Variants in SLC35F2 observed in about 807,000 individuals in gnomAD.
The protein encoded by SLC35F2 is solute carrier family 35 member F2, also known as queuine/queuosine transporter SLC35F2.
In SLC35F2, 25 loss-of-function variants were observed where a neutral mutation model predicts 38.1. That is an observed-to-expected ratio of 0.66 (90% confidence interval 0.48 to 0.92). SLC35F2 has a LOEUF of 0.92. Among genes scored for constraint, SLC35F2 ranks in the 40% least tolerant of loss-of-function variants. The pLI, the probability that SLC35F2 is intolerant of heterozygous loss-of-function variation, is 0.00. For missense variants in SLC35F2, 409 were observed against 452.9 expected (o/e 0.90, Z 0.88); for synonymous variants, 173 against 181.7 (o/e 0.95, Z 0.38).
chr11:107,824,171 G>T (rs559574877), intron 1 of SLC35F2, among the ~76,000 whole-genome samples: 2 of 151,342 alleles, frequency 1.3e-5, no homozygotes, highest in South Asian at 2.1e-4. Flanking sequence ...TTAAAAAATA[G>T]ATAGTGTATT....
At position 107,799,075 on chromosome 11, in the gene SLC35F2, CA is replaced by C. The variant is rs1182448551; in HGVS notation, c.939+3925del. ...TGGGTGACAGAGCGAGACTCTGTCG[CA>C]AACAAAACAAACTACTTCTAAAGTG... On this transcript the variant is annotated intron_variant, in intron 7 of 7. Transcript: ENST00000525815. 5.9e-5 allele frequency among the ~76,000 whole-genome samples: 9 copies of C among 152,294 alleles called. No individual in the cohort carries two copies. In the East Asian group the frequency reaches 1.7e-3, roughly 29 times the overall value.
chr11:107,846,878 C>T (rs984337823), intron 1 of SLC35F2, among the ~76,000 whole-genome samples: 3 of 145,006 alleles, frequency 2.1e-5, no homozygotes, highest in African/African-American at 7.7e-5. Flanking sequence ...TGCAGTGAGC[C>T]AAGATCATGC....
At position 107,795,248 on chromosome 11, in the gene SLC35F2, A is replaced by G. The variant is rs560604462; in HGVS notation, c.940-2448T>C. 2.6e-5 allele frequency among the ~76,000 whole-genome samples: 4 copies of G among 152,356 alleles called. No individual in the cohort carries two copies. In the South Asian group the frequency reaches 8.3e-4, roughly 32 times the overall value. Reference sequence around the variant, plus strand: ...CAAATAGCCAAAGCAATGCTGGGCAACCAAAACAGCATGGTATTAGTATAA... The same window carrying G: ...CAAATAGCCAAAGCAATGCTGGGCAGCCAAAACAGCATGGTATTAGTATAA... On this transcript the variant is annotated intron_variant, in intron 7 of 7. Transcript: ENST00000525815.
At chr11:107,821,682 A>G in intron 1 of SLC35F2, 1 of 918,500 alleles carries the variant, frequency 1.1e-6, no homozygotes, top group Non-Finnish European at 1.3e-6. Context: ...CAGAAGAAAC[A>G]TGCATCTGAC....
rs1859122663 is a variant in SLC35F2, at chr11:107,791,049, T to TTTACA, written c.*1561_*1565dup. On this transcript the variant is annotated 3_prime_UTR_variant, in exon 8 of 8. Coordinates refer to ENST00000525815, the MANE Select transcript of SLC35F2 (RefSeq NM_017515.5). Reference sequence around the variant, plus strand: ...GTGAACACTTACTCCCCATTTCTTTTTTACATTGTTACAAAAAATTTACAT... The same window carrying TTTACA: ...GTGAACACTTACTCCCCATTTCTTTTTTACATTACATTGTTACAAAAAATTTACAT... 1 of 152,638 alleles carries TTTACA rather than the reference T, an allele frequency of 6.6e-6. No individual in the cohort carries two copies. Among genetic ancestry groups the TTTACA allele is most frequent in the African/African-American group, 2.4e-5 (1 of 41,462 alleles). 9.5% of individuals were successfully genotyped at this position (152,638 alleles called of 1,614,324 possible). A position where few individuals can be genotyped will look rare whatever the true frequency, so the allele number is the denominator to read the frequency against.
In SLC35F2 at chr11:107,815,972, A is replaced by C. The variant is rs1490522883; in HGVS notation, c.111-7T>G. 3.7e-6 allele frequency: 6 copies of C among 1,610,622 alleles called. No homozygotes were observed. The highest frequency in any genetic ancestry group is 5.1e-6 in the Non-Finnish European group (6 of 1,178,516). ...AATTGTTTTCAAAATATTCCTAGAA[A>C]ATAAGGGAAGAAATCAGAACAGCAT... On this transcript the variant is annotated splice_region_variant and splice_polypyrimidine_tract_variant and intron_variant, in intron 1 of 7. Coordinates refer to ENST00000525815, the MANE Select transcript of SLC35F2 (RefSeq NM_017515.5).
At chr11:107,841,950 C>A (rs1860018510) in intron 1 of SLC35F2, among the ~76,000 whole-genome samples, 2 of 151,828 alleles carry the variant, frequency 1.3e-5, no homozygotes, top group East Asian at 3.9e-4. Context: ...CCTGTAATCC[C>A]AGCTACTCGG....
chr11:107,850,510 C>T (rs556494659), intron 1 of SLC35F2, among the ~76,000 whole-genome samples: 2 of 152,196 alleles, frequency 1.3e-5, no homozygotes, highest in Admixed American at 6.5e-5. Flanking sequence ...CTACATCTTA[C>T]AGAACAGCCC....
intron 7 of SLC35F2, among the ~76,000 whole-genome samples, chr11:107,793,393 C>G (rs942367532): frequency 6.6e-6 from 1 of 152,132 alleles, no homozygotes; most frequent in Admixed American, 6.6e-5. Flanking sequence ...AGCTACACCC[C>G]ACTCTGCATA....
intron 1 of SLC35F2, among the ~76,000 whole-genome samples, chr11:107,846,555 G>C (rs539448835): frequency 1.3e-5 from 2 of 152,050 alleles, no homozygotes; most frequent in Non-Finnish European, 2.9e-5. Flanking sequence ...AATCCTCAAA[G>C]AATTGCTGCC....
chr11:107,844,842 G>A (rs1384889738), intron 1 of SLC35F2, among the ~76,000 whole-genome samples: 5 of 151,260 alleles, frequency 3.3e-5, no homozygotes, highest in Non-Finnish European at 7.4e-5. Context: ...CAGGCGTGGT[G>A]GCGGGCACCT....
intron 1 of SLC35F2, among the ~76,000 whole-genome samples, chr11:107,832,276 T>C (rs949905403): frequency 3.3e-5 from 5 of 152,174 alleles, no homozygotes; most frequent in Non-Finnish European, 7.4e-5. Flanking sequence ...ATTCCCAATG[T>C]TGTTAGTTCC....
At chr11:107,854,147 T>C (rs1056114464) in intron 1 of SLC35F2, among the ~76,000 whole-genome samples, 16 of 151,936 alleles carry the variant, frequency 1.1e-4, no homozygotes, top group Admixed American at 6.6e-5. Context: ...AATTAAATAA[T>C]AATACCAGGT....
At chr11:107,831,494 G>A (rs1359115454) in intron 1 of SLC35F2, among the ~76,000 whole-genome samples, 1 of 152,068 alleles carries the variant, frequency 6.6e-6, no homozygotes, top group African/African-American at 2.4e-5. Flanking sequence ...CAAAGCACTG[G>A]GATTATAGAC....
chr11:107,798,663 G>A (rs1328821534), intron 7 of SLC35F2, among the ~76,000 whole-genome samples: 1 of 152,202 alleles, frequency 6.6e-6, no homozygotes. Flanking sequence ...GGACACGGAT[G>A]AGCGTAAAAA....
chr11:107,803,993 T>A (rs1052193683), intron 6 of SLC35F2, among the ~76,000 whole-genome samples: 38 of 22,046 alleles, frequency 1.7e-3, no homozygotes. Flanking sequence ...GCCCGGATAA[T>A]TTTTTTTTTT....
chr11:107,806,922 C>T lies in SLC35F2; in HGVS notation c.415-46G>A, dbSNP rs1193358119. On this transcript the variant is annotated intron_variant, in intron 3 of 7. Coordinates refer to ENST00000525815, the MANE Select transcript of SLC35F2 (RefSeq NM_017515.5). ...CAGTTTAAAACATATCTCTCATTAG[C>T]TAAAAGATGGGTAATTAAGAAATAA... 3 of 1,563,014 alleles carry T rather than the reference C, an allele frequency of 1.9e-6. No homozygotes were observed. The African/African-American group carries it at 4.1e-5, about 21-fold the overall frequency.
chr11:107,797,360 G>T (rs549701533), intron 7 of SLC35F2, among the ~76,000 whole-genome samples: 3 of 151,186 alleles, frequency 2.0e-5, no homozygotes, highest in Non-Finnish European at 4.4e-5. Context: ...AAGGAAGGAG[G>T]GGGTGGAAGG....
At chr11:107,799,909 G>A (rs1387329869) in intron 7 of SLC35F2, among the ~76,000 whole-genome samples, 2 of 143,204 alleles carry the variant, frequency 1.4e-5, no homozygotes, top group South Asian at 2.2e-4. Context: ...TTTTTTTTGA[G>A]ACAGAGTCTT....
Sources: gnomAD v4.1 joint callset for allele counts (sites outside exome capture counted in the v4.1 genomes callset) on GRCh38, gnomAD v4.1.1 for gene constraint, MANE v1.5 for transcripts, NCBI Gene and HGNC (gene_info 2026-07-23, HGNC 2026-07-21) for gene names.